The following RBFOX1 variants were observed in gnomAD, a reference collection of about 807,000 sequenced individuals.
RBFOX1 encodes RNA binding fox-1 homolog 1, also known as RNA binding protein fox-1 homolog 1.
RBFOX1 carries 8 observed loss-of-function variants against 57.7 expected under a neutral mutation model. That is an observed-to-expected ratio of 0.14 (90% CI 0.08 to 0.25). The LOEUF (loss-of-function observed/expected upper bound fraction) is 0.25. RBFOX1 is among the 10% of genes least tolerant of loss of function. The pLI, the probability that RBFOX1 is intolerant of heterozygous loss-of-function variation, is 1.00. For missense variants in RBFOX1, 611 were observed against 548.5 expected, an observed-to-expected ratio of 1.11 and a Z score of -1.14; for synonymous variants, 326 against 222.4, an observed-to-expected ratio of 1.47 and a Z score of -4.15.
At chr16:6,808,666 A>C (rs910653378) in intron 3 of RBFOX1, among the ~76,000 whole-genome samples, 1 of 152,174 alleles carries the variant, frequency 6.6e-6, no homozygotes, top group Non-Finnish European at 1.5e-5. Context: ...TTTACCAGGC[A>C]GAAAAATGGT....
intron 14 of RBFOX1, among the ~76,000 whole-genome samples, chr16:7,705,772 A>C (rs1044399544): frequency 1.3e-5 from 2 of 152,174 alleles, no homozygotes; most frequent in African/African-American, 4.8e-5. Context: ...GACAAGATTT[A>C]TGGCTGTTGA....
chr16:7,700,551 C>G (rs552940093), intron 14 of RBFOX1, among the ~76,000 whole-genome samples: 7 of 152,132 alleles, frequency 4.6e-5, no homozygotes, highest in African/African-American at 1.7e-4. Context: ...AGCTGGGGTG[C>G]CATGGTGATT....
At chr16:7,567,339 C>CTA (rs200770655) in intron 5 of RBFOX1, among the ~76,000 whole-genome samples, 58,287 of 111,368 alleles carry the variant, frequency 0.52, 18,733 homozygotes, top group African/African-American at 0.59. Context: ...ATATATGGCC[C>CTA]TATATATATA....
intron 4 of RBFOX1, among the ~76,000 whole-genome samples, chr16:7,360,958 C>G (rs573060675): frequency 6.6e-6 from 1 of 152,260 alleles, no homozygotes; most frequent in South Asian, 2.1e-4. Flanking sequence ...TCTTTCATTC[C>G]AAAGGCAACC....
chr16:7,297,051 C>T (rs767773400), intron 4 of RBFOX1, among the ~76,000 whole-genome samples: 1 of 152,100 alleles, frequency 6.6e-6, no homozygotes, highest in Non-Finnish European at 1.5e-5. Flanking sequence ...TCCATGGGAG[C>T]CATAGTCAGT....
At chr16:6,118,611 C>G (rs142766573) in intron 1 of RBFOX1, among the ~76,000 whole-genome samples, 1 of 151,724 alleles carries the variant, frequency 6.6e-6, no homozygotes, top group African/African-American at 2.4e-5. Flanking sequence ...CTCTGTCTCT[C>G]TTGCTCTCCT....
intron 4 of RBFOX1, among the ~76,000 whole-genome samples, chr16:7,062,296 A>C (rs6500911): frequency 0.71 from 95,812 of 135,340 alleles, 34,592 homozygotes; most frequent in East Asian, 0.91. Context: ...CCAGTCTGAG[A>C]GACAGAGTGA....
intron 4 of RBFOX1, among the ~76,000 whole-genome samples, chr16:5,892,697 T>A (rs1465440877): frequency 6.6e-6 from 1 of 152,186 alleles, no homozygotes; most frequent in Non-Finnish European, 1.5e-5. Context: ...ACGGGATTCC[T>A]AAGTCAAGAT....
At chr16:6,944,540 G>A (rs2079130127) in intron 3 of RBFOX1, among the ~76,000 whole-genome samples, 2 of 152,154 alleles carry the variant, frequency 1.3e-5, no homozygotes, top group African/African-American at 2.4e-5. Context: ...GTCACGATCT[G>A]GTATATTTTG....
At chr16:6,517,819 T>C (rs2096411066) in intron 2 of RBFOX1, among the ~76,000 whole-genome samples, 2 of 152,214 alleles carry the variant, frequency 1.3e-5, no homozygotes, top group African/African-American at 2.4e-5. Context: ...TTCGTTATTT[T>C]ATTTTCCAAT....
chr16:5,354,290 C>G (rs953278515), intron 1 of RBFOX1, among the ~76,000 whole-genome samples: 3 of 152,110 alleles, frequency 2.0e-5, no homozygotes, highest in African/African-American at 7.2e-5. Context: ...ATTGGTTGGA[C>G]CACTTTTTTT....
At chr16:6,788,255 C>G (rs1012040818) in intron 3 of RBFOX1, among the ~76,000 whole-genome samples, 1 of 151,962 alleles carries the variant, frequency 6.6e-6, no homozygotes, top group African/African-American at 2.4e-5. Flanking sequence ...CCAATGAGGT[C>G]TGCTGCATCA....
At chr16:5,476,137 A>G (rs2069314437) in intron 2 of RBFOX1, among the ~76,000 whole-genome samples, 1 of 152,148 alleles carries the variant, frequency 6.6e-6, no homozygotes, top group African/African-American at 2.4e-5. Context: ...TCACGTTTTA[A>G]TGCATAAAGG....
At chr16:6,029,302 C>A (rs534794773) in intron 1 of RBFOX1, among the ~76,000 whole-genome samples, 2 of 152,210 alleles carry the variant, frequency 1.3e-5, no homozygotes, top group African/African-American at 4.8e-5. Flanking sequence ...GAACCATCCA[C>A]CCCATTCTAT....
intron 1 of RBFOX1, among the ~76,000 whole-genome samples, chr16:5,294,260 G>T (rs530696622): frequency 6.6e-6 from 1 of 151,982 alleles, no homozygotes; most frequent in Admixed American, 6.6e-5. Context: ...CACACACAAA[G>T]TCAAAAAATA....
chr16:6,997,594 G>T (rs1211295341), intron 3 of RBFOX1, among the ~76,000 whole-genome samples: 1 of 152,158 alleles, frequency 6.6e-6, no homozygotes, highest in Non-Finnish European at 1.5e-5. Context: ...ACAAAAGATA[G>T]ACTGCGTTTT....
At chr16:6,878,183 A>C (rs146145796) in intron 3 of RBFOX1, among the ~76,000 whole-genome samples, 6 of 152,270 alleles carry the variant, frequency 3.9e-5, no homozygotes, top group Admixed American at 3.9e-4. Context: ...TTCCCCAAGC[A>C]ATATATTGTA....
At chr16:5,522,710 C>T (rs1439005910) in intron 2 of RBFOX1, among the ~76,000 whole-genome samples, 1 of 152,174 alleles carries the variant, frequency 6.6e-6, no homozygotes, top group Non-Finnish European at 1.5e-5. Flanking sequence ...CAACCTTCCC[C>T]ACCTCTGGTA....
At chr16:6,155,930 A>G (rs2096835314) in intron 1 of RBFOX1, among the ~76,000 whole-genome samples, 1 of 152,164 alleles carries the variant, frequency 6.6e-6, no homozygotes, top group Non-Finnish European at 1.5e-5. Context: ...CTTCTTTGCC[A>G]GGCACTCTGA....
Sources: allele counts gnomAD v4.1 joint callset (sites outside exome capture counted in the v4.1 genomes callset), GRCh38; gene constraint gnomAD v4.1.1; transcripts MANE v1.5; gene names NCBI Gene and HGNC (gene_info 2026-07-23, HGNC 2026-07-21).